PATL2: variants seen among roughly 807,000 people sequenced by gnomAD.
PATL2 encodes protein PAT1 homolog 2.
In PATL2, 73 loss-of-function variants were observed where a neutral mutation model predicts 77.0. The observed-to-expected ratio is 0.95, with a 90% CI of 0.78 to 1.15. The LOEUF is 1.15. Among genes scored for constraint, PATL2 ranks in the 50% most tolerant of loss-of-function variants. PATL2 has a pLI of 0.00. For synonymous variants in PATL2, 265 were observed against 257.1 expected (o/e 1.03, Z -0.29); for missense variants, 618 against 655.4 (o/e 0.94, Z 0.62).
rs2086855596 is a variant in PATL2 at position 44,711,264 on chromosome 15, G to A, written c.-498C>T. On this transcript the variant is annotated 5_prime_UTR_variant, in exon 1 of 18. Transcript: ENST00000682850. ...TCCAGCCTGAAGTCCTAGAATGAGC[G>A]CCCGGTGTCCCAAGCTGGGGCGCGC... is the stretch of plus-strand genomic sequence containing the variant. 1 of 575,164 alleles carries A rather than the reference G, an allele frequency of 1.7e-6. No individual in the cohort carries two copies. Among genetic ancestry groups the A allele is most frequent in the African/African-American group, 1.9e-5 (1 of 53,396 alleles). 35.6% of individuals were successfully genotyped at this position (575,164 alleles called of 1,614,324 possible).
intron 3 of PATL2, among the ~76,000 whole-genome samples, chr15:44,696,242 A>G (rs536396954): frequency 4.0e-4 from 61 of 152,324 alleles, no homozygotes; most frequent in African/African-American, 1.5e-3. Flanking sequence ...GTAACTGGGT[A>G]TAATCTTCCC....
intron 3 of PATL2, among the ~76,000 whole-genome samples, chr15:44,679,476 C>G (rs865830384): frequency 1.2e-4 from 18 of 150,260 alleles, no homozygotes; most frequent in Admixed American, 2.0e-4. Context: ...AATCCACTTA[C>G]CTCGGCCTCC....
At chr15:44,688,078 C>T (rs1566863912) in intron 3 of PATL2, among the ~76,000 whole-genome samples, 1 of 151,904 alleles carries the variant, frequency 6.6e-6, no homozygotes, top group Non-Finnish European at 1.5e-5. Context: ...AAAACCATCT[C>T]TACTAAAAAT....
chr15:44,708,105 G>A (rs2086777869), intron 3 of PATL2, among the ~76,000 whole-genome samples: 3 of 152,218 alleles, frequency 2.0e-5, no homozygotes, highest in Admixed American at 2.0e-4. Flanking sequence ...CGCTGCCGGC[G>A]AATGGGGGAG....
intron 3 of PATL2, among the ~76,000 whole-genome samples, chr15:44,692,159 T>A (rs939716200): frequency 2.4e-4 from 36 of 152,308 alleles, no homozygotes; most frequent in African/African-American, 8.7e-4. Context: ...AATGATTGCA[T>A]CTTTGTAAAC....
chr15:44,709,649 A>G (rs7163027), intron 3 of PATL2, among the ~76,000 whole-genome samples: 5 of 152,240 alleles, frequency 3.3e-5, no homozygotes, highest in African/African-American at 1.2e-4. Context: ...TCACTATTCA[A>G]AACATGTCAT....
chr15:44,710,716 T>C (rs371844904), intron 2 of PATL2, among the ~76,000 whole-genome samples, 155 bp downstream of exon 2: 5 of 152,186 alleles, frequency 3.3e-5, no homozygotes, highest in Admixed American at 6.5e-5. Flanking sequence ...GTACCTACTA[T>C]GTGCCAGCCC....
chr15:44,672,059 G>T lies in PATL2; in HGVS notation c.613C>A (p.Gln205Lys). The T allele has an allele frequency of 6.4e-7, 1 of 1,551,704 alleles. No individual in the cohort carries two copies. Among genetic ancestry groups the T allele is most frequent in the Non-Finnish European group, 8.7e-7 (1 of 1,146,982 alleles). Residue 205 changes from glutamine (Q) to lysine (K), a missense_variant, in exon 9 of 18, where the codon CAG becomes AAG. Gln to Lys is a moderately conservative substitution (Grantham distance 53). Coordinates refer to ENST00000682850, the MANE Select transcript of PATL2 (RefSeq NM_001387263.1). ...KDWVIKVQMV[Q>K]LQSAKPRLDD... Reference sequence around the variant, plus strand: ...AGGCGGGGTTTTGCACTCTGCAGCTGCACCATCTGCACTTTTATCACCCAG... The same window carrying T: ...AGGCGGGGTTTTGCACTCTGCAGCTTCACCATCTGCACTTTTATCACCCAG...
At chr15:44,705,808 A>ATTTTTTTTTTTT (rs1555390143) in intron 3 of PATL2, among the ~76,000 whole-genome samples, 37 of 56,478 alleles carry the variant, frequency 6.6e-4, no homozygotes, top group African/African-American at 1.7e-3. Flanking sequence ...TCCTCAAAAC[A>ATTTTTTTTTTTT]TTGTTTTTTT....
rs188003196 is a variant in PATL2 at position 44,676,693 on chromosome 15, G to A, written c.-75-128C>T. ...TCTTGGCCATGGTCTTGAGGAGAGA[G>A]ACCCTGGGGTCTCAGACTGCCATAA... On this transcript the variant is annotated intron_variant, in intron 3 of 17. Coordinates refer to ENST00000682850, the MANE Select transcript of PATL2 (RefSeq NM_001387263.1). 24 of 1,189,918 alleles carry A rather than the reference G, an allele frequency of 2.0e-5. No homozygotes were observed. In the East Asian group the frequency reaches 5.8e-4, roughly 29 times the overall value. 73.7% of individuals were successfully genotyped at this position (1,189,918 alleles called of 1,614,324 possible). A position where few individuals can be genotyped will look rare whatever the true frequency, so the allele number is the denominator to read the frequency against.
intron 8 of PATL2, 23 bp downstream of exon 8, chr15:44,672,365 C>A: frequency 6.4e-7 from 1 of 1,550,818 alleles, no homozygotes; most frequent in South Asian, 1.2e-5. Flanking sequence ...TCCCCTCAAC[C>A]CTGCTCCTGG....
chr15:44,675,292 T>A, intron 5 of PATL2, 194 bp downstream of exon 5: 1 of 643,870 alleles, frequency 1.6e-6, no homozygotes, highest in Non-Finnish European at 2.6e-6. Flanking sequence ...GAGAACAGCA[T>A]CAGAAATGAA....
At chr15:44,667,958 ATATT>A (rs944549496) in intron 15 of PATL2, among the ~76,000 whole-genome samples, 35 of 152,254 alleles carry the variant, frequency 2.3e-4, no homozygotes, top group Non-Finnish European at 4.6e-4. Flanking sequence ...AAAAAAGAAA[ATATT>A]TATTATGTAC....
chr15:44,668,901 G>A (rs148682693), intron 14 of PATL2, 79 bp downstream of exon 14: 2 of 1,419,190 alleles, frequency 1.4e-6, no homozygotes, highest in Admixed American at 2.8e-5. Flanking sequence ...CATCTCTGGG[G>A]CATGTGGGGA....
chr15:44,675,430 C>G, intron 5 of PATL2, 56 bp downstream of exon 5: 1 of 1,497,202 alleles, frequency 6.7e-7, no homozygotes, highest in South Asian at 1.3e-5. Flanking sequence ...TAGTGACAGC[C>G]TGTGAGCCAC....
chr15:44,696,318 C>T (rs1402891485), intron 3 of PATL2, among the ~76,000 whole-genome samples: 2 of 152,172 alleles, frequency 1.3e-5, no homozygotes, highest in Non-Finnish European at 2.9e-5. Context: ...TCAACATTTA[C>T]CTAATCCATT....
chr15:44,681,989 G>A (rs1209564921), intron 3 of PATL2, among the ~76,000 whole-genome samples: 1 of 152,170 alleles, frequency 6.6e-6, no homozygotes, highest in African/African-American at 2.4e-5. Context: ...CGTAATCGCT[G>A]TGCACCAGGT....
intron 15 of PATL2, 142 bp downstream of exon 15, chr15:44,668,200 G>A: frequency 9.0e-7 from 1 of 1,112,626 alleles, no homozygotes; most frequent in Non-Finnish European, 1.2e-6. Flanking sequence ...TAAGCTTCCA[G>A]GTGATCATGT....
chr15:44,674,358 G>C, intron 5 of PATL2, 128 bp from the exon 6 acceptor site: 1 of 685,136 alleles, frequency 1.5e-6, no homozygotes, highest in Non-Finnish European at 2.4e-6. Context: ...GGCAGTGGCA[G>C]CTTGGCCCTC....
Sources: allele counts gnomAD v4.1 joint callset (sites outside exome capture counted in the v4.1 genomes callset), GRCh38; gene constraint gnomAD v4.1.1; transcripts MANE v1.5; gene names NCBI Gene and HGNC (gene_info 2026-07-23, HGNC 2026-07-21).